The following ZNF704 variants were observed in gnomAD, a reference collection of about 807,000 sequenced individuals.
ZNF704 encodes the protein glucocorticoid induced gene 1.
A neutral mutation model predicts 44.7 loss-of-function variants in ZNF704; 10 were observed. The observed-to-expected ratio is 0.22, with a 90% CI of 0.14 to 0.38. The LOEUF is 0.38. ZNF704 is among the 10% of genes least tolerant of loss of function. The pLI is 1.00. For synonymous variants in ZNF704, 211 were observed against 207.6 expected, an observed-to-expected ratio of 1.02 and a Z score of -0.14; for missense variants, 390 against 545.5, an observed-to-expected ratio of 0.71 and a Z score of 2.84.
At chr8:80,739,371 C>T (rs1175910843) in intron 2 of ZNF704, among the ~76,000 whole-genome samples, 3 of 152,074 alleles carry the variant, frequency 2.0e-5, no homozygotes, top group Non-Finnish European at 2.9e-5. Flanking sequence ...GGGCAGAAAG[C>T]CTCCAAGCTC....
intron 3 of ZNF704, among the ~76,000 whole-genome samples, chr8:80,687,860 G>A (rs930607956): frequency 1.3e-5 from 2 of 152,098 alleles, no homozygotes; most frequent in African/African-American, 4.8e-5. Context: ...GAATGGTTTG[G>A]TCACAGAGTT....
rs560213290 is a variant in ZNF704 at position 80,742,306 on chromosome 8, G to A, written c.222-49199C>T. Reference sequence around the variant, plus strand: ...CAATACTCAGCAGAAGAAATCGAATGGGGAACCTCACGAGGACATAGTTTC... The same window carrying A: ...CAATACTCAGCAGAAGAAATCGAATAGGGAACCTCACGAGGACATAGTTTC... On this transcript the variant is annotated intron_variant, in intron 2 of 8. Transcript: ENST00000327835. 3.3e-4 allele frequency among the ~76,000 whole-genome samples: 50 copies of A among 152,302 alleles called. No homozygotes were observed. The Middle Eastern group carries it at 0.01, about 31-fold the overall frequency.
chr8:80,732,743 C>T (rs7012597), intron 2 of ZNF704, among the ~76,000 whole-genome samples: 3,357 of 152,078 alleles, frequency 0.022, 124 homozygotes, highest in African/African-American at 0.076. Context: ...ACTGCTTGAG[C>T]CCAGGAGTTT....
intron 1 of ZNF704, among the ~76,000 whole-genome samples, chr8:80,855,963 G>A (rs974869148): frequency 6.6e-6 from 1 of 152,106 alleles, no homozygotes; most frequent in East Asian, 1.9e-4. Context: ...TCTAATGCCT[G>A]TTCAGTTCTT....
intron 1 of ZNF704, among the ~76,000 whole-genome samples, chr8:80,864,657 C>T (rs925725196): frequency 3.3e-5 from 5 of 152,112 alleles, no homozygotes; most frequent in Admixed American, 3.3e-4. Flanking sequence ...ACACTTTGGG[C>T]CACCCATTTC....
chr8:80,687,290 T>A lies in ZNF704; in HGVS notation c.494A>T (p.Asp165Val). 1 of 1,613,144 alleles carries A rather than the reference T, an allele frequency of 6.2e-7. No homozygotes were observed. Among genetic ancestry groups the A allele is most frequent in the Non-Finnish European group, 8.5e-7 (1 of 1,179,860 alleles). ...KPFRSPAQPD[D>V]GIDEAEASNL... ...GCTGGCCTCCGCCTCGTCGATGCCG[T>A]CGTCTGGCTGCGCGGGGCTGCGGAA... The change falls in exon 4 of 9, where the codon GAC (aspartate) becomes GTC (valine). Residue 165 changes from aspartate to valine, a missense_variant. Coordinates refer to ENST00000327835, the MANE Select transcript of ZNF704 (RefSeq NM_001033723.3).
intron 4 of ZNF704, among the ~76,000 whole-genome samples, chr8:80,684,259 C>G (rs1277452771): frequency 6.6e-6 from 1 of 152,184 alleles, no homozygotes; most frequent in African/African-American, 2.4e-5. Flanking sequence ...AGCTTCCAAA[C>G]TTTTTTGCTC....
At chr8:80,665,809 C>CTATTTTATTT (rs910732784) in intron 5 of ZNF704, among the ~76,000 whole-genome samples, 2 of 151,434 alleles carry the variant, frequency 1.3e-5, no homozygotes, top group East Asian at 1.9e-4. Context: ...AATGCGGGCA[C>CTATTTTATTT]TATTTTATTT....
At chr8:80,670,179 A>G (rs888906550) in intron 5 of ZNF704, among the ~76,000 whole-genome samples, 1 of 152,122 alleles carries the variant, frequency 6.6e-6, no homozygotes, top group Non-Finnish European at 1.5e-5. Context: ...TCTCACATAC[A>G]TTTTATCTTT....
At chr8:80,755,605 C>T (rs1807021486) in intron 2 of ZNF704, among the ~76,000 whole-genome samples, 1 of 152,136 alleles carries the variant, frequency 6.6e-6, no homozygotes, top group Non-Finnish European at 1.5e-5. Flanking sequence ...GGAACTATTC[C>T]AAGTACTGAG....
At chr8:80,849,225 T>C (rs1229020242) in intron 1 of ZNF704, among the ~76,000 whole-genome samples, 1 of 152,120 alleles carries the variant, frequency 6.6e-6, no homozygotes, top group Non-Finnish European at 1.5e-5. Flanking sequence ...TAAACCTCAT[T>C]TATTACAGAA....
At chr8:80,695,006 A>C (rs1482498405) in intron 2 of ZNF704, among the ~76,000 whole-genome samples, 2 of 152,224 alleles carry the variant, frequency 1.3e-5, no homozygotes, top group Admixed American at 1.3e-4. Flanking sequence ...AGGCAAAAAA[A>C]ACTGTTCATT....
chr8:80,841,119 C>G (rs561891284), intron 1 of ZNF704, among the ~76,000 whole-genome samples: 1 of 152,228 alleles, frequency 6.6e-6, no homozygotes, highest in Non-Finnish European at 1.5e-5. Context: ...AAAGCTAGAA[C>G]TTCCACCACA....
intron 4 of ZNF704, among the ~76,000 whole-genome samples, chr8:80,686,159 T>C (rs938889397): frequency 6.6e-6 from 1 of 152,202 alleles, no homozygotes; most frequent in Admixed American, 6.5e-5. Flanking sequence ...GAATATGAAC[T>C]TGAGGCTCAG....
At chr8:80,726,973 A>G (rs1054462983) in intron 2 of ZNF704, among the ~76,000 whole-genome samples, 1 of 152,170 alleles carries the variant, frequency 6.6e-6, no homozygotes, top group African/African-American at 2.4e-5. Flanking sequence ...AAAGATTACC[A>G]TGTAATAGTC....
chr8:80,670,447 G>A (rs1356892534), intron 5 of ZNF704, 56 bp downstream of exon 5: 2 of 1,275,372 alleles, frequency 1.6e-6, no homozygotes, highest in East Asian at 4.7e-5. Context: ...TCTGAGTGCG[G>A]GTGGCCCTAG....
chr8:80,883,345 C>A, the ZNF704 span, among the ~76,000 whole-genome samples: 1 of 151,784 alleles, frequency 6.6e-6, no homozygotes, highest in Non-Finnish European at 1.5e-5. Context: ...CTAAACCTAG[C>A]CATTTTAATG....
chr8:80,701,944 G>A (rs1421229624), intron 2 of ZNF704, among the ~76,000 whole-genome samples: 1 of 151,930 alleles, frequency 6.6e-6, no homozygotes, highest in African/African-American at 2.4e-5. Context: ...AGGGAAACAT[G>A]GTTCTTTGAG....
intron 1 of ZNF704, among the ~76,000 whole-genome samples, chr8:80,841,197 CCTCA>C (rs1323303734): frequency 1.3e-5 from 2 of 152,228 alleles, no homozygotes; most frequent in Non-Finnish European, 2.9e-5. Context: ...ATGGCAACGA[CCTCA>C]CTGTCTTCCT....
Sources: allele counts gnomAD v4.1 joint callset (sites outside exome capture counted in the v4.1 genomes callset), GRCh38; gene constraint gnomAD v4.1.1; transcripts MANE v1.5; gene names NCBI Gene and HGNC (gene_info 2026-07-23, HGNC 2026-07-21).